The following DLGAP1 variants were observed in gnomAD, a reference collection of about 807,000 sequenced individuals.
DLGAP1 encodes the protein DLG associated protein 1, also known as disks large-associated protein 1.
DLGAP1 carries 11 observed loss-of-function variants against 90.8 expected under a neutral mutation model. That is an observed-to-expected ratio of 0.12 (90% CI 0.08 to 0.20). The LOEUF is 0.20. DLGAP1 is among the 10% of genes least tolerant of loss of function. The pLI, the probability that DLGAP1 is intolerant of heterozygous loss-of-function variation, is 1.00. For synonymous variants in DLGAP1, 558 were observed against 540.7 expected, an observed-to-expected ratio of 1.03 and a Z score of -0.44; for missense variants, 1,050 against 1,333.8, an observed-to-expected ratio of 0.79 and a Z score of 3.31.
At chr18:4,306,698 G>C (rs1020381405) in intron 1 of DLGAP1, among the ~76,000 whole-genome samples, 2 of 152,084 alleles carry the variant, frequency 1.3e-5, no homozygotes, top group Admixed American at 6.5e-5. Context: ...TACTTTTAGG[G>C]ATTCAGTTAA....
At chr18:3,731,057 G>A (rs1339359207) in intron 6 of DLGAP1, among the ~76,000 whole-genome samples, 1 of 152,122 alleles carries the variant, frequency 6.6e-6, no homozygotes, top group Admixed American at 6.6e-5. Flanking sequence ...AGGATATACA[G>A]GAGTCTTTGT....
intron 1 of DLGAP1, among the ~76,000 whole-genome samples, chr18:4,339,092 G>C (rs542271691): frequency 1.6e-4 from 24 of 152,298 alleles, no homozygotes; most frequent in African/African-American, 5.8e-4. Flanking sequence ...CCTGACTTTA[G>C]ACTCACATGA....
intron 3 of DLGAP1, among the ~76,000 whole-genome samples, chr18:3,934,690 A>G (rs1182671372): frequency 2.6e-5 from 4 of 152,248 alleles, no homozygotes; most frequent in Admixed American, 2.6e-4. Flanking sequence ...TGTCTATGTC[A>G]TGATTTAGAA....
chr18:3,819,921 C>A (rs2067311102), intron 4 of DLGAP1, among the ~76,000 whole-genome samples: 1 of 152,152 alleles, frequency 6.6e-6, no homozygotes, highest in Non-Finnish European at 1.5e-5. Flanking sequence ...TAGTGGGTTA[C>A]AACCCTTTGA....
Position 3,741,061 on chromosome 18 carries a change from C to T in DLGAP1, c.1350+1274G>A, listed in dbSNP as rs889896975. On this transcript the variant is annotated intron_variant, in intron 6 of 12. Coordinates refer to ENST00000315677, the MANE Select transcript of DLGAP1 (RefSeq NM_004746.4). ...CATCACCTCACCACCACCACCATCACCACCACCACCACCACCACCATCACC... is the reference window on the plus strand; with the variant it reads ...CATCACCTCACCACCACCACCATCATCACCACCACCACCACCACCATCACC... 1.8e-3 allele frequency among the ~76,000 whole-genome samples: 163 copies of T among 90,706 alleles called. 1 individual carries two copies. Among genetic ancestry groups the T allele is most frequent in the African/African-American group, 6.3e-3 (103 of 16,296 alleles). 59.5% of individuals were successfully genotyped at this position (90,706 alleles called of 152,430 possible).
In DLGAP1 at chr18:3,698,910, T is replaced by A. The variant is rs530050161; in HGVS notation, c.1591+30225A>T. On this transcript the variant is annotated intron_variant, in intron 7 of 12. Coordinates refer to ENST00000315677, the MANE Select transcript of DLGAP1 (RefSeq NM_004746.4). The stretch of plus-strand genomic sequence containing the variant: ...TTAAGTTGATCTTCAATCTCTGATA[T>A]CCTTTCTTCCGCTTGATCGATTTGG... 2.0e-5 allele frequency among the ~76,000 whole-genome samples: 3 copies of A among 152,204 alleles called. No individual in the cohort carries two copies. In the South Asian group the frequency reaches 6.2e-4, roughly 32 times the overall value.
chr18:3,536,223 C>A (rs1385083019), intron 9 of DLGAP1, among the ~76,000 whole-genome samples: 1 of 137,418 alleles, frequency 7.3e-6, no homozygotes. Context: ...TACTTTCTTT[C>A]TTTTTTTTTT....
intron 1 of DLGAP1, among the ~76,000 whole-genome samples, chr18:4,196,639 C>T (rs1422051398): frequency 6.6e-6 from 1 of 152,226 alleles, no homozygotes; most frequent in Non-Finnish European, 1.5e-5. Context: ...GCACAAGAGA[C>T]ATGTGAGGAC....
intron 1 of DLGAP1, among the ~76,000 whole-genome samples, chr18:4,415,491 T>C (rs1204041809): frequency 6.6e-6 from 1 of 152,216 alleles, no homozygotes; most frequent in Non-Finnish European, 1.5e-5. Context: ...GTTACAGATT[T>C]GTAAAGTTCA....
chr18:3,971,271 G>C (rs1389987584), intron 3 of DLGAP1, among the ~76,000 whole-genome samples: 2 of 152,152 alleles, frequency 1.3e-5, no homozygotes, highest in African/African-American at 4.8e-5. Context: ...TCTTTTCAGA[G>C]GTAGGAGTTC....
intron 1 of DLGAP1, among the ~76,000 whole-genome samples, chr18:4,442,547 TG>T (rs2083561202): frequency 6.6e-6 from 1 of 152,226 alleles, no homozygotes; most frequent in South Asian, 2.1e-4. Flanking sequence ...TACATAGATG[TG>T]TAGAGTACTA....
intron 1 of DLGAP1, among the ~76,000 whole-genome samples, chr18:4,374,277 G>A (rs116626267): frequency 0.012 from 1,831 of 152,198 alleles, 18 homozygotes; most frequent in African/African-American, 0.025. Context: ...GAAAGGAATG[G>A]AAAATGTAAC....
chr18:4,412,595 A>G (rs1297114677), intron 1 of DLGAP1, among the ~76,000 whole-genome samples: 2 of 152,172 alleles, frequency 1.3e-5, no homozygotes, highest in Non-Finnish European at 2.9e-5. Flanking sequence ...AGAAACATAA[A>G]GTTTAATAAG....
intron 3 of DLGAP1, among the ~76,000 whole-genome samples, chr18:3,890,825 C>T (rs915332328): frequency 5.3e-5 from 8 of 152,214 alleles, no homozygotes; most frequent in East Asian, 3.9e-4. Context: ...AACTCCTGGG[C>T]GCAAGCAATC....
At chr18:3,953,265 C>T (rs73376544) in intron 3 of DLGAP1, among the ~76,000 whole-genome samples, 24,721 of 152,074 alleles carry the variant, frequency 0.16, 2,148 homozygotes, top group Middle Eastern at 0.22. Context: ...TCTGGGCCTT[C>T]AGCATACCCA....
At position 4,151,236 on chromosome 18, in the gene DLGAP1, G is replaced by A. The variant is rs980460514; in HGVS notation, c.-215C>T. 4 of 152,110 alleles carry A rather than the reference G, an allele frequency of 2.6e-5. No individual in the cohort carries two copies. The highest frequency in any genetic ancestry group is 7.2e-5 in the African/African-American group (3 of 41,416). The allele number at this position is 152,110 out of a possible 1,614,324, so 9.4% of individuals were successfully genotyped here. A position where few individuals can be genotyped will look rare whatever the true frequency, so the allele number is the denominator to read the frequency against. The stretch of plus-strand genomic sequence containing the variant: ...TCCGAGTCAGGAAAAGATCCAAATT[G>A]CAGGCTTTTTTTTAACCTGATGTCA... On this transcript the variant is annotated 5_prime_UTR_variant, in exon 2 of 13. Coordinates refer to ENST00000315677, the MANE Select transcript of DLGAP1 (RefSeq NM_004746.4).
chr18:4,371,067 T>C (rs753618090), intron 1 of DLGAP1, among the ~76,000 whole-genome samples: 5 of 152,104 alleles, frequency 3.3e-5, no homozygotes, highest in Admixed American at 6.5e-5. Flanking sequence ...GACATAGAGG[T>C]AGCATGACCA....
intron 2 of DLGAP1, among the ~76,000 whole-genome samples, chr18:4,120,992 C>A (rs190062489): frequency 6.6e-6 from 1 of 152,084 alleles, no homozygotes. Context: ...AGGAGGTGGG[C>A]ACAGACAGTG....
At chr18:3,626,589 C>A (rs1466867987) in intron 7 of DLGAP1, among the ~76,000 whole-genome samples, 2 of 105,264 alleles carry the variant, frequency 1.9e-5, no homozygotes, top group South Asian at 2.9e-4. Flanking sequence ...AGAGCAAGAA[C>A]CTGTTAAAAA....
Sources: gnomAD v4.1 joint callset for allele counts (sites outside exome capture counted in the v4.1 genomes callset) on GRCh38, gnomAD v4.1.1 for gene constraint, MANE v1.5 for transcripts, NCBI Gene and HGNC (gene_info 2026-07-23, HGNC 2026-07-21) for gene names.